Variants in SHROOM4 observed in about 807,000 individuals in gnomAD.
SHROOM4 encodes protein Shroom4.
Under a neutral mutation model 80.3 loss-of-function variants are expected in SHROOM4, and 17 were observed. That is an observed-to-expected ratio of 0.21 (90% confidence interval 0.14 to 0.32). The LOEUF is 0.32. SHROOM4 is among the 10% of genes least tolerant of loss of function. The probability of loss-of-function intolerance (pLI) is 1.00; values close to 1 mark genes in which losing one functional copy is unlikely to be tolerated. For synonymous variants in SHROOM4, 400 were observed against 437.5 expected, an observed-to-expected ratio of 0.91 and a Z score of 1.07; for missense variants, 993 against 1,140.3, an observed-to-expected ratio of 0.87 and a Z score of 1.86.
In SHROOM4 at chrX:50,658,319, A is replaced by G. The variant is rs145389639; in HGVS notation, c.270-20011T>C. ...TACTAAGGTGAGAAATCTGGTAGAT[A>G]CTCTGGACTCCCTCCTCTTATTTAC... is the stretch of plus-strand genomic sequence containing the variant. On this transcript the variant is annotated intron_variant, in intron 2 of 8. Transcript: ENST00000376020. Among the ~76,000 whole-genome samples, 528 of 111,058 alleles carry G rather than the reference A, an allele frequency of 4.8e-3. 5 individuals are homozygous for G. Among genetic ancestry groups the G allele is most frequent in the African/African-American group, 0.017 (513 of 30,577 alleles).
At chrX:50,575,636 G>A in the SHROOM4 span, among the ~76,000 whole-genome samples, 1 of 111,228 alleles carries the variant, frequency 9.0e-6, no homozygotes, top group Admixed American at 9.6e-5. Context: ...CTTTTCCATA[G>A]TCTTAAAGAA....
chrX:50,654,706 C>G (rs1444052693), intron 2 of SHROOM4, among the ~76,000 whole-genome samples: 1 of 110,127 alleles, frequency 9.1e-6, no homozygotes, highest in Non-Finnish European at 1.9e-5. Flanking sequence ...GCCCCACCCG[C>G]CCCATTCCTG....
chrX:50,607,270 A>G, intron 6 of SHROOM4, 111 bp downstream of exon 6: 1 of 770,076 alleles, frequency 1.3e-6, no homozygotes, highest in East Asian at 3.4e-5. Flanking sequence ...TGAGGCTGGG[A>G]GCAGTTTAAC....
chrX:50,802,495 C>T (rs1936146344), intron 1 of SHROOM4, among the ~76,000 whole-genome samples: 1 of 111,662 alleles, frequency 9.0e-6, no homozygotes, highest in African/African-American at 3.3e-5. Context: ...ATCCCTGACT[C>T]CTACCTCTTC....
At chrX:50,603,161 C>G (rs1480429844) in intron 6 of SHROOM4, among the ~76,000 whole-genome samples, 1 of 111,169 alleles carries the variant, frequency 9.0e-6, no homozygotes, top group Non-Finnish European at 1.9e-5. Context: ...ATGTGGATCC[C>G]AAAGTAGGGG....
At chrX:50,750,173 T>C (rs1348612739) in intron 1 of SHROOM4, among the ~76,000 whole-genome samples, 2 of 112,370 alleles carry the variant, frequency 1.8e-5, no homozygotes. Flanking sequence ...GAATGCCATA[T>C]GTGCCAGCTC....
In SHROOM4 at chrX:50,614,038, T is replaced by G. The variant is rs184778714; in HGVS notation, c.2958-5854A>C. 5.5e-4 allele frequency among the ~76,000 whole-genome samples: 61 copies of G among 111,833 alleles called. No individual in the cohort carries two copies. The East Asian group carries it at 0.014, about 26-fold the overall frequency. On this transcript the variant is annotated intron_variant, in intron 5 of 8. Transcript: ENST00000376020. Reference sequence around the variant, plus strand: ...GTTTGTGATGAAGCATTTCAAATAGTGGGGGAAGGATGAATCATTCAATAC... The same window carrying G: ...GTTTGTGATGAAGCATTTCAAATAGGGGGGGAAGGATGAATCATTCAATAC...
intron 1 of SHROOM4, among the ~76,000 whole-genome samples, chrX:50,792,928 T>C (rs1175662982): frequency 9.8e-6 from 1 of 101,742 alleles, no homozygotes; most frequent in Non-Finnish European, 2.0e-5. Context: ...TAGAACTACA[T>C]ACTAGATCCA....
chrX:50,658,525 G>A (rs782404666), intron 2 of SHROOM4, among the ~76,000 whole-genome samples: 1 of 111,624 alleles, frequency 9.0e-6, no homozygotes, highest in East Asian at 2.8e-4. Context: ...TTTTCAGAGT[G>A]CAAATCTGGT....
At chrX:50,644,365 G>A (rs966976825) in intron 2 of SHROOM4, among the ~76,000 whole-genome samples, 10 of 111,435 alleles carry the variant, frequency 9.0e-5, no homozygotes, top group South Asian at 3.8e-4. Context: ...GAATTCAATC[G>A]TCACAAATGA....
chrX:50,591,247 C>CATTT lies in SHROOM4; in HGVS notation c.*5444_*5447dup, dbSNP rs781951473. On this transcript the variant is annotated 3_prime_UTR_variant, in exon 9 of 9. Coordinates refer to ENST00000376020, the MANE Select transcript of SHROOM4 (RefSeq NM_020717.5). Reference sequence around the variant, plus strand: ...TATTTCTGGACTCTCAATTTAATTCCATTTATTTATACACCTACCCTTGTG... The same window carrying CATTT: ...TATTTCTGGACTCTCAATTTAATTCCATTTATTTATTTATACACCTACCCTTGTG... Among the ~76,000 whole-genome samples the CATTT allele has an allele frequency of 1.5e-4, 17 of 112,080 alleles. No homozygotes were observed. Among genetic ancestry groups the CATTT allele is most frequent in the African/African-American group, 5.2e-4 (16 of 30,916 alleles).
At chrX:50,653,125 G>C (rs1375115923) in intron 2 of SHROOM4, among the ~76,000 whole-genome samples, 1 of 111,579 alleles carries the variant, frequency 9.0e-6, no homozygotes, top group Non-Finnish European at 1.9e-5. Context: ...GTAACTTGAT[G>C]GGGAGAGCAC....
intron 5 of SHROOM4, among the ~76,000 whole-genome samples, chrX:50,613,372 G>C (rs782114504): frequency 8.9e-6 from 1 of 111,733 alleles, no homozygotes; most frequent in Non-Finnish European, 1.9e-5. Flanking sequence ...CTTCGGCCTC[G>C]CAAAGTGCTA....
At chrX:50,784,833 A>C (rs1259680836) in intron 1 of SHROOM4, among the ~76,000 whole-genome samples, 1 of 112,307 alleles carries the variant, frequency 8.9e-6, no homozygotes, top group Non-Finnish European at 1.9e-5. Context: ...TGGAAAGGCA[A>C]GCCACAGACT....
intron 2 of SHROOM4, among the ~76,000 whole-genome samples, chrX:50,653,817 T>C (rs1932206986): frequency 8.9e-6 from 1 of 112,032 alleles, no homozygotes; most frequent in Non-Finnish European, 1.9e-5. Flanking sequence ...TCTATGGAGA[T>C]AATTATGTGG....
At chrX:50,604,359 T>C (rs1557248160) in intron 6 of SHROOM4, among the ~76,000 whole-genome samples, 1 of 111,975 alleles carries the variant, frequency 8.9e-6, no homozygotes, top group East Asian at 2.8e-4. Context: ...GTACAGTGAC[T>C]TCCTCAAGGT....
intron 2 of SHROOM4, among the ~76,000 whole-genome samples, chrX:50,665,173 C>T (rs917228437): frequency 8.1e-5 from 9 of 110,944 alleles, no homozygotes; most frequent in African/African-American, 3.0e-4. Context: ...CTACTAATGT[C>T]TTAACGTTAG....
intron 2 of SHROOM4, among the ~76,000 whole-genome samples, chrX:50,693,292 C>T (rs1222083957): frequency 1.8e-5 from 2 of 110,911 alleles, no homozygotes; most frequent in Non-Finnish European, 3.8e-5. Flanking sequence ...TTTGGCCGGG[C>T]GCAGTGCCTT....
In SHROOM4 at chrX:50,596,930, C is replaced by T; in HGVS notation, c.4247G>A (p.Gly1416Glu). The T allele has an allele frequency of 8.3e-7, 1 of 1,211,128 alleles. No individual in the cohort carries two copies. The stretch of plus-strand genomic sequence containing the variant: ...CAGCTCCTTGGCATCTGCCAACTGC[C>T]CCGTCAGCTGCTGCTTCTTCTCTAT... The part of the protein sequence containing the change: ...VLIEKKQQLT[G>E]QLADAKELKE... The change falls in exon 9 of 9, where the codon GGG (glycine) becomes GAG (glutamate). Residue 1416 changes from glycine (G) to glutamate (E), a missense_variant. Transcript: ENST00000376020.
Sources: allele counts gnomAD v4.1 joint callset (sites outside exome capture counted in the v4.1 genomes callset), GRCh38; gene constraint gnomAD v4.1.1; transcripts MANE v1.5; gene names NCBI Gene and HGNC (gene_info 2026-07-23, HGNC 2026-07-21).